The following DNAI4 variants were observed in gnomAD, a reference collection of about 807,000 sequenced individuals.
The protein encoded by DNAI4 is dynein axonemal intermediate chain 4, also known as WD repeat domain 78.
A neutral mutation model predicts 105.8 loss-of-function variants in DNAI4; 85 were observed. The observed-to-expected ratio is 0.80, with a 90% CI of 0.67 to 0.96. The LOEUF (loss-of-function observed/expected upper bound fraction) is 0.96, where lower values mean the gene tolerates loss of function less well. Ranked by LOEUF, DNAI4 falls within the 40% of genes least tolerant of loss-of-function variation. The pLI, the probability that DNAI4 is intolerant of heterozygous loss-of-function variation, is 0.00. For synonymous variants in DNAI4, 352 were observed against 331.5 expected (o/e 1.06, Z -0.67); for missense variants, 1,014 against 1,005.6 (o/e 1.01, Z -0.11).
chr1:66,920,125 A>C (rs978964559), intron 1 of DNAI4, among the ~76,000 whole-genome samples: 3 of 151,892 alleles, frequency 2.0e-5, no homozygotes, highest in African/African-American at 7.3e-5. Flanking sequence ...ACCCATAAAA[A>C]CCCCAGGCTC....
chr1:66,816,929 C>T (rs1645529686), intron 16 of DNAI4, among the ~76,000 whole-genome samples: 1 of 152,010 alleles, frequency 6.6e-6, no homozygotes, highest in Non-Finnish European at 1.5e-5. Flanking sequence ...CTTTTACCAA[C>T]TATAAATGTG....
At chr1:66,854,936 T>C (rs1401843985) in intron 7 of DNAI4, among the ~76,000 whole-genome samples, 1 of 152,244 alleles carries the variant, frequency 6.6e-6, no homozygotes, top group Non-Finnish European at 1.5e-5. Context: ...CAATTCTTTT[T>C]GCACTTAATG....
chr1:66,910,713 TA>T (rs576984111), intron 1 of DNAI4, among the ~76,000 whole-genome samples: 2 of 152,260 alleles, frequency 1.3e-5, no homozygotes, highest in Non-Finnish European at 2.9e-5. Context: ...AACTTTTTAC[TA>T]TCTAACATAG....
chr1:66,893,113 G>GAAAGAA lies in DNAI4; in HGVS notation c.530+110_530+115dup, dbSNP rs1553227751. On this transcript the variant is annotated intron_variant, in intron 3 of 16. Transcript: ENST00000371026. ...AGAAAGAAAGAAAGAAAGAAAGAAAGAAAGAAAGAAACTGGGAGACTGGAG... is the reference window on the plus strand; with the variant it reads ...AGAAAGAAAGAAAGAAAGAAAGAAAGAAAGAAAAAGAAAGAAACTGGGAGACTGGAG... 7.3e-5 allele frequency: 37 copies of GAAAGAA among 504,460 alleles called. 1 individual carries two copies. The highest frequency in any genetic ancestry group is 4.0e-4 in the African/African-American group (20 of 50,012). The allele number at this position is 504,460 out of a possible 1,614,324, so 31.2% of individuals were successfully genotyped here. A position where few individuals can be genotyped will look rare whatever the true frequency, so the allele number is the denominator to read the frequency against.
chr1:66,814,802 A>T (rs1237853249), intron 16 of DNAI4, among the ~76,000 whole-genome samples: 2 of 152,210 alleles, frequency 1.3e-5, no homozygotes, highest in African/African-American at 4.8e-5. Flanking sequence ...AAACTTACTG[A>T]TATCTTAAAT....
At chr1:66,893,012 A>G (rs546265797) in intron 3 of DNAI4, among the ~76,000 whole-genome samples, 2 of 128,472 alleles carry the variant, frequency 1.6e-5, no homozygotes, top group African/African-American at 3.1e-5. Flanking sequence ...AAAGAGAGAG[A>G]GGAAAGAAAG....
At chr1:66,857,915 G>C (rs898203132) in intron 7 of DNAI4, among the ~76,000 whole-genome samples, 1 of 151,964 alleles carries the variant, frequency 6.6e-6, no homozygotes, top group Non-Finnish European at 1.5e-5. Context: ...AACTTAGATT[G>C]AAATGGAACA....
Position 66,834,102 on chromosome 1 carries a change from T to C in DNAI4, c.1780A>G (p.Ile594Val), listed in dbSNP as rs572646789. 8 of 1,611,026 alleles carry C rather than the reference T, an allele frequency of 5.0e-6. No individual in the cohort carries two copies. The South Asian group carries it at 7.8e-5, about 16-fold the overall frequency. Reference sequence around the variant, plus strand: ...CCTGTTGTTCCTCGATCTTGTTCTATCCACTGTAGTTGCCATACAGGTCCC... The same window carrying C: ...CCTGTTGTTCCTCGATCTTGTTCTACCCACTGTAGTTGCCATACAGGTCCC... ...HLGPVWQLQW[I>V]EQDRGTTGDG... Residue 594 changes from isoleucine (I) to valine (V), a missense_variant, in exon 12 of 17, where the codon ATA becomes GTA. Coordinates refer to ENST00000371026, the MANE Select transcript of DNAI4 (RefSeq NM_024763.5).
intron 6 of DNAI4, among the ~76,000 whole-genome samples, chr1:66,864,956 T>G: frequency 6.6e-6 from 1 of 152,216 alleles, no homozygotes; most frequent in East Asian, 1.9e-4. Context: ...TCTAATCAAC[T>G]GGGGATGTTC....
At chr1:66,833,816 G>A (rs190302895) in intron 12 of DNAI4, 110 bp from the exon 13 acceptor site, 1 of 1,438,834 alleles carries the variant, frequency 7.0e-7, no homozygotes, top group Non-Finnish European at 9.3e-7. Flanking sequence ...GCCAACTTTT[G>A]CATGTAATTA....
At chr1:66,873,664 G>A (rs1646897047) in intron 5 of DNAI4, among the ~76,000 whole-genome samples, 1 of 152,138 alleles carries the variant, frequency 6.6e-6, no homozygotes, top group Non-Finnish European at 1.5e-5. Flanking sequence ...TGAGATAATT[G>A]AGCTCCTTTT....
chr1:66,873,747 A>C (rs1417826499), intron 5 of DNAI4, among the ~76,000 whole-genome samples: 1 of 151,886 alleles, frequency 6.6e-6, no homozygotes, highest in Non-Finnish European at 1.5e-5. Context: ...CCCAAGACTC[A>C]TCACTGGTCT....
chr1:66,833,357 A>G (rs1645908649), intron 13 of DNAI4, among the ~76,000 whole-genome samples: 1 of 152,108 alleles, frequency 6.6e-6, no homozygotes, highest in Non-Finnish European at 1.5e-5. Context: ...TCATCCCCCA[A>G]AAAACTCTAT....
intron 16 of DNAI4, among the ~76,000 whole-genome samples, chr1:66,819,294 A>G (rs1288672308): frequency 6.6e-6 from 1 of 152,196 alleles, no homozygotes; most frequent in Non-Finnish European, 1.5e-5. Flanking sequence ...ACCTCCAAGC[A>G]TAGCTGAAAT....
chr1:66,846,694 G>T (rs999593183), intron 8 of DNAI4, among the ~76,000 whole-genome samples: 4 of 152,266 alleles, frequency 2.6e-5, no homozygotes, highest in African/African-American at 9.6e-5. Flanking sequence ...TTTTTGAGTG[G>T]TTTAGGATAC....
intron 16 of DNAI4, among the ~76,000 whole-genome samples, chr1:66,819,896 G>A (rs1645590987): frequency 6.6e-6 from 1 of 151,960 alleles, no homozygotes. Context: ...GAGAATCATA[G>A]AGACTTTTTT....
intron 11 of DNAI4, 59 bp downstream of exon 11, chr1:66,835,567 A>C: frequency 6.6e-7 from 1 of 1,525,632 alleles, no homozygotes; most frequent in Non-Finnish European, 9.0e-7. Flanking sequence ...AAATAACATT[A>C]GAGTAAATCC....
chr1:66,924,106 A>G (rs914105846), intron 1 of DNAI4, among the ~76,000 whole-genome samples: 1 of 152,260 alleles, frequency 6.6e-6, no homozygotes, highest in African/African-American at 2.4e-5. Context: ...TTAACAAACT[A>G]GAAGTGCTAG....
At chr1:66,849,351 CA>C (rs1366844577) in intron 7 of DNAI4, among the ~76,000 whole-genome samples, 5 of 152,158 alleles carry the variant, frequency 3.3e-5, no homozygotes, top group Admixed American at 6.5e-5. Flanking sequence ...CATTGGAGGT[CA>C]AGTGGCAAAT....
Sources: gnomAD v4.1 joint callset for allele counts (sites outside exome capture counted in the v4.1 genomes callset) on GRCh38, gnomAD v4.1.1 for gene constraint, MANE v1.5 for transcripts, NCBI Gene and HGNC (gene_info 2026-07-23, HGNC 2026-07-21) for gene names.